Variants in ODF2L observed in about 807,000 individuals in gnomAD.
ODF2L encodes the protein protein BCAP.
ODF2L carries 76 observed loss-of-function variants against 86.3 expected under a neutral mutation model. That is an observed-to-expected ratio of 0.88 (90% confidence interval 0.73 to 1.07). ODF2L has a LOEUF of 1.07. ODF2L is among the 50% of genes least tolerant of loss of function. The probability of loss-of-function intolerance (pLI) is 0.00; values close to 1 mark genes in which losing one functional copy is unlikely to be tolerated. For missense variants in ODF2L, 748 were observed against 717.4 expected, an observed-to-expected ratio of 1.04 and a Z score of -0.49; for synonymous variants, 241 against 231.3, an observed-to-expected ratio of 1.04 and a Z score of -0.38.
intron 8 of ODF2L, among the ~76,000 whole-genome samples, chr1:86,373,374 G>A (rs1348789608): frequency 6.7e-6 from 1 of 149,590 alleles, no homozygotes; most frequent in Non-Finnish European, 1.5e-5. Context: ...ACTCCTGAGT[G>A]CAAGGGATCC....
intron 11 of ODF2L, among the ~76,000 whole-genome samples, chr1:86,363,456 A>C (rs937139886): frequency 1.3e-5 from 2 of 152,210 alleles, no homozygotes; most frequent in Non-Finnish European, 2.9e-5. Context: ...TAGCACTTTT[A>C]ATTACCTAGT....
chr1:86,380,954 CA>C (rs145985651), intron 7 of ODF2L, among the ~76,000 whole-genome samples: 3 of 141,156 alleles, frequency 2.1e-5, no homozygotes, highest in Admixed American at 1.4e-4. Flanking sequence ...GATTCATACT[CA>C]AAAAAAAAAC....
chr1:86,355,373 T>G, intron 14 of ODF2L: 1 of 1,537,286 alleles, frequency 6.5e-7, no homozygotes, highest in African/African-American at 1.4e-5. Flanking sequence ...TTCTTCCCAC[T>G]GCTTCAAAAT....
rs545851184 is a variant in ODF2L at position 86,361,981 on chromosome 1, T to C, written c.1144-1445A>G. Reference sequence around the variant, plus strand: ...CATCAAACACAAAAGCAGCTAGGAATGACATGTGGGCGAAGGCCTCCTGAG... The same window carrying C: ...CATCAAACACAAAAGCAGCTAGGAACGACATGTGGGCGAAGGCCTCCTGAG... On this transcript the variant is annotated intron_variant, in intron 11 of 17. Coordinates refer to ENST00000317336, the Ensembl canonical transcript of ODF2L. 2.0e-5 allele frequency among the ~76,000 whole-genome samples: 3 copies of C among 152,120 alleles called. No individual in the cohort carries two copies. In the South Asian group the frequency reaches 6.2e-4, roughly 31 times the overall value.
chr1:86,360,404 C>A, intron 12 of ODF2L, 22 bp downstream of exon 11: 3 of 1,065,846 alleles, frequency 2.8e-6, no homozygotes, highest in Non-Finnish European at 4.3e-6. Context: ...TTAGTAAACA[C>A]TAAAATAAAT....
chr1:86,353,056 T>C, intron 16 of ODF2L, 72 bp from the exon 16 acceptor site: 1 of 970,008 alleles, frequency 1.0e-6, no homozygotes, highest in Non-Finnish European at 1.6e-6. Flanking sequence ...GACAGTTATA[T>C]TGTACCTTTT....
intron 1 of ODF2L, among the ~76,000 whole-genome samples, chr1:86,391,999 GA>G (rs536881528): frequency 1.0e-3 from 152 of 151,450 alleles, no homozygotes; most frequent in Non-Finnish European, 1.7e-3. Flanking sequence ...AAATTAGCAA[GA>G]AAAAAAATCC....
Position 86,383,809 on chromosome 1 carries a change from G to A in ODF2L, c.373-613C>T, listed in dbSNP as rs139698160. 1.7e-3 allele frequency among the ~76,000 whole-genome samples: 255 copies of A among 151,776 alleles called. 1 individual carries two copies. The highest frequency in any genetic ancestry group is 5.7e-3 in the African/African-American group (236 of 41,516). The stretch of plus-strand genomic sequence containing the variant: ...CCTTGGATCCATAAGTGTTCAAAGA[G>A]CTCAAGTTAAGATTCCTTTCTATTC... On this transcript the variant is annotated intron_variant, in intron 4 of 17. Transcript: ENST00000317336.
intron 2 of ODF2L, 155 bp from the exon 3 acceptor site, chr1:86,385,745 T>G: frequency 2.0e-6 from 1 of 494,068 alleles, no homozygotes; most frequent in African/African-American, 2.0e-5. Flanking sequence ...GTAAGCAAAT[T>G]TTAAGAATAC....
At chr1:86,395,817 C>T (rs552101098) in intron 1 of ODF2L, 15 of 152,426 alleles carry the variant, frequency 9.8e-5, no homozygotes, top group African/African-American at 3.6e-4. Flanking sequence ...CCACACCCTT[C>T]CTAAGAGTGA....
chr1:86,371,562 A>G (rs971450116), intron 9 of ODF2L, among the ~76,000 whole-genome samples: 2 of 152,220 alleles, frequency 1.3e-5, no homozygotes, highest in Non-Finnish European at 2.9e-5. Flanking sequence ...AATGAATTAT[A>G]TATGGTAGTT....
chr1:86,350,600 C>A (rs1658062440), exon 18 of ODF2L: 2 of 152,112 alleles, frequency 1.3e-5, no homozygotes, highest in Non-Finnish European at 2.9e-5. Flanking sequence ...GATTTATAGT[C>A]CTTTGGGTAT....
At chr1:86,394,714 G>GA (rs1661587835) in intron 1 of ODF2L, among the ~76,000 whole-genome samples, 1 of 151,732 alleles carries the variant, frequency 6.6e-6, no homozygotes, top group Non-Finnish European at 1.5e-5. Context: ...CATCCATTGT[G>GA]AAATAAGAAG....
intron 8 of ODF2L, among the ~76,000 whole-genome samples, chr1:86,375,192 A>G (rs776428895): frequency 3.9e-5 from 6 of 152,190 alleles, no homozygotes; most frequent in Non-Finnish European, 8.8e-5. Flanking sequence ...AGCTATTGTG[A>G]GCCAGGGAAG....
At chr1:86,367,431 G>C (rs1003450478) in intron 11 of ODF2L, among the ~76,000 whole-genome samples, 1 of 151,986 alleles carries the variant, frequency 6.6e-6, no homozygotes, top group Non-Finnish European at 1.5e-5. Flanking sequence ...ATGGCATCTA[G>C]GCAGCAGGCC....
At chr1:86,390,417 T>C (rs2101549091) in intron 1 of ODF2L, among the ~76,000 whole-genome samples, 1 of 134,560 alleles carries the variant, frequency 7.4e-6, no homozygotes, top group Admixed American at 7.3e-5. Context: ...AGACTCCGTC[T>C]CAAGAAAAAA....
Position 86,358,802 on chromosome 1 carries a change from A to AT in ODF2L, c.1343dup (p.Asn448LysfsTer2). 7.1e-7 allele frequency: 1 copy of AT among 1,407,186 alleles called. No individual in the cohort carries two copies. Among genetic ancestry groups the AT allele is most frequent in the Non-Finnish European group, 9.8e-7 (1 of 1,018,828 alleles). 87.2% of individuals were successfully genotyped at this position (1,407,186 alleles called of 1,614,324 possible). On this transcript the variant is annotated frameshift_variant, in exon 13 of 18. Transcript: ENST00000317336. LOFTEE classifies it high-confidence loss of function. ...CCAAACGTACCTTCTCTACATTTTT[A>AT]TTTTTGGTTTTTGTTATTTGGTTAT...
chr1:86,367,387 T>C (rs764330962), intron 11 of ODF2L, among the ~76,000 whole-genome samples: 26 of 152,070 alleles, frequency 1.7e-4, no homozygotes, highest in Admixed American at 5.9e-4. Flanking sequence ...CAAGGAAACA[T>C]TGGAACCAGG....
At chr1:86,351,921 C>A in exon 18 of ODF2L, 4 of 1,172,224 alleles carry the variant, frequency 3.4e-6, no homozygotes, top group Non-Finnish European at 3.2e-6. Flanking sequence ...GCAAAACCCA[C>A]CTCATTTATT....
Sources: allele counts gnomAD v4.1 joint callset (sites outside exome capture counted in the v4.1 genomes callset), GRCh38; gene constraint gnomAD v4.1.1; transcripts MANE v1.5; gene names NCBI Gene and HGNC (gene_info 2026-07-23, HGNC 2026-07-21).